LMAN2L: variants seen among roughly 807,000 people sequenced by gnomAD.
The protein encoded by LMAN2L is VIP36-like protein.
A neutral mutation model predicts 44.3 loss-of-function variants in LMAN2L; 30 were observed. That is an observed-to-expected ratio of 0.68 (90% CI 0.51 to 0.92). The LOEUF (loss-of-function observed/expected upper bound fraction) is 0.92. LMAN2L is among the 40% of genes least tolerant of loss of function. The pLI, the probability that LMAN2L is intolerant of heterozygous loss-of-function variation, is 0.00. For missense variants in LMAN2L, 429 were observed against 446.1 expected, an observed-to-expected ratio of 0.96 and a Z score of 0.35; for synonymous variants, 183 against 171.1, an observed-to-expected ratio of 1.07 and a Z score of -0.54.
chr2:96,716,901 C>T (rs535516297), intron 4 of LMAN2L, among the ~76,000 whole-genome samples: 9 of 152,196 alleles, frequency 5.9e-5, no homozygotes, highest in South Asian at 2.1e-4. Flanking sequence ...ACAAAGAGAA[C>T]GCTGAGAATA....
intron 4 of LMAN2L, among the ~76,000 whole-genome samples, chr2:96,714,478 A>C (rs1229627853): frequency 6.6e-6 from 1 of 152,272 alleles, no homozygotes; most frequent in Non-Finnish European, 1.5e-5. Context: ...TGGATGATTA[A>C]ACTGGCATGA....
At chr2:96,734,579 T>A in intron 2 of LMAN2L, 53 bp from the exon 3 acceptor site, 1 of 1,126,506 alleles carries the variant, frequency 8.9e-7, no homozygotes, top group Non-Finnish European at 1.4e-6. Flanking sequence ...GCAAAACCCC[T>A]CAAGCCCACA....
rs79668584 is a variant in LMAN2L, at chr2:96,731,030, G to A, written c.507+2489C>T. Among the ~76,000 whole-genome samples the A allele has an allele frequency of 4.6e-5, 7 of 152,136 alleles. No individual in the cohort carries two copies. In the East Asian group the frequency reaches 5.8e-4, roughly 13 times the overall value. Reference sequence around the variant, plus strand: ...GCTTTTTTCCCTCTGCATGGGACACGGGTTCCTTACTCTGCAGACCTCAAC... The same window carrying A: ...GCTTTTTTCCCTCTGCATGGGACACAGGTTCCTTACTCTGCAGACCTCAAC... On this transcript the variant is annotated intron_variant, in intron 4 of 7. Coordinates refer to ENST00000264963, the MANE Select transcript of LMAN2L (RefSeq NM_030805.4).
chr2:96,728,219 G>A, intron 4 of LMAN2L, among the ~76,000 whole-genome samples: 1 of 152,188 alleles, frequency 6.6e-6, no homozygotes, highest in African/African-American at 2.4e-5. Context: ...CAGGCGCGGT[G>A]GCTCACGCCT....
intron 4 of LMAN2L, among the ~76,000 whole-genome samples, chr2:96,727,985 C>T (rs191338618): frequency 1.3e-5 from 2 of 152,294 alleles, no homozygotes; most frequent in South Asian, 4.1e-4. Flanking sequence ...AGAGATAATA[C>T]TATCATCTAC....
Position 96,706,536 on chromosome 2 carries a change from T to C in LMAN2L, c.*720A>G, listed in dbSNP as rs1167362978. On this transcript the variant is annotated 3_prime_UTR_variant, in exon 8 of 8. Coordinates refer to ENST00000264963, the MANE Select transcript of LMAN2L (RefSeq NM_030805.4). ...TCACTGAGGGCCTGAAGAGACTTGA[T>C]TGGGAAGGCCATGGACATGCCAATA... 1.3e-5 allele frequency: 2 copies of C among 152,236 alleles called. No individual in the cohort carries two copies. The highest frequency in any genetic ancestry group is 6.5e-5 in the Admixed American group (1 of 15,286). 9.4% of individuals were successfully genotyped at this position (152,236 alleles called of 1,614,324 possible). A position where few individuals can be genotyped will look rare whatever the true frequency, so the allele number is the denominator to read the frequency against.
Position 96,733,517 on chromosome 2 carries a change from A to C in LMAN2L, c.507+2T>G. 1 of 1,611,398 alleles carries C rather than the reference A, an allele frequency of 6.2e-7. No individual in the cohort carries two copies. Among genetic ancestry groups the C allele is most frequent in the Non-Finnish European group, 8.5e-7 (1 of 1,177,644 alleles). On this transcript the variant is annotated splice_donor_variant, in intron 4 of 7. Coordinates refer to ENST00000264963, the MANE Select transcript of LMAN2L (RefSeq NM_030805.4). LOFTEE classifies it high-confidence loss of function. ...GACCTAGGCTCTGACACTTGCCATT[A>C]CCTCTTGCTGCTTCTCCTCATTGGG...
At chr2:96,732,010 A>C (rs2078408366) in intron 4 of LMAN2L, among the ~76,000 whole-genome samples, 1 of 151,896 alleles carries the variant, frequency 6.6e-6, no homozygotes, top group South Asian at 2.1e-4. Flanking sequence ...AATACTAATA[A>C]AAATACTAAT....
chr2:96,727,808 T>C (rs1282143078), intron 4 of LMAN2L, among the ~76,000 whole-genome samples: 1 of 152,228 alleles, frequency 6.6e-6, no homozygotes, highest in Non-Finnish European at 1.5e-5. Context: ...CCACGGTCAT[T>C]TGTAAGTTCT....
chr2:96,711,848 G>A lies in LMAN2L; in HGVS notation c.669+16C>T. ...ACAGCCCACACCACCATCTGGTCCA[G>A]GACAAGGACTCTCACCGTCAAATGC... On this transcript the variant is annotated intron_variant, in intron 5 of 7. Transcript: ENST00000264963. The A allele has an allele frequency of 6.2e-7, 1 of 1,614,132 alleles. No individual in the cohort carries two copies.
intron 2 of LMAN2L, 67 bp from the exon 3 acceptor site, chr2:96,734,593 G>C: frequency 1.0e-6 from 1 of 955,780 alleles, no homozygotes; most frequent in South Asian, 1.3e-5. Context: ...GCCCACATCA[G>C]CAATCAACAG....
chr2:96,737,106 C>T (rs755442540), intron 2 of LMAN2L: 2 of 453,530 alleles, frequency 4.4e-6, no homozygotes, highest in African/African-American at 2.0e-5. Flanking sequence ...TTTAGAAAGC[C>T]CTGGAAACAG....
chr2:96,711,797 G>A, intron 5 of LMAN2L, 27 bp from the exon 6 acceptor site: 1 of 1,612,952 alleles, frequency 6.2e-7, no homozygotes. Context: ...GATAAATCAG[G>A]GTCAGGCCAT....
chr2:96,740,062 A>T lies in LMAN2L; in HGVS notation c.-22T>A, dbSNP rs200000065. The stretch of plus-strand genomic sequence containing the variant: ...CCATCTTTCCCACCAACGACCCTTC[A>T]TCAAAAGCCCGCCCCGTCGCCCAAC... On this transcript the variant is annotated 5_prime_UTR_variant, in exon 1 of 8. The change abolishes an upstream ATG in the 5' untranslated region. Transcript: ENST00000264963. 6.3e-7 allele frequency: 1 copy of T among 1,588,954 alleles called. No individual in the cohort carries two copies. The highest frequency in any genetic ancestry group is 8.6e-7 in the Non-Finnish European group (1 of 1,168,228).
chr2:96,709,794 A>G (rs1205363487), intron 6 of LMAN2L, among the ~76,000 whole-genome samples: 1 of 152,196 alleles, frequency 6.6e-6, no homozygotes, highest in Non-Finnish European at 1.5e-5. Context: ...GAAAGAAACA[A>G]CTTGCATTTA....
chr2:96,723,937 A>ATC (rs2078213737), intron 4 of LMAN2L, among the ~76,000 whole-genome samples: 1 of 151,776 alleles, frequency 6.6e-6, no homozygotes, highest in Non-Finnish European at 1.5e-5. Context: ...AAACATATAT[A>ATC]TTAAAAAAAA....
intron 2 of LMAN2L, 111 bp from the exon 3 acceptor site, chr2:96,734,637 T>C: frequency 1.4e-6 from 1 of 715,658 alleles, no homozygotes; most frequent in South Asian, 1.6e-5. Flanking sequence ...AACACTAGAC[T>C]AAGGGTTAAA....
intron 4 of LMAN2L, among the ~76,000 whole-genome samples, chr2:96,733,238 A>C (rs1383674918): frequency 6.6e-6 from 1 of 152,164 alleles, no homozygotes; most frequent in East Asian, 1.9e-4. Context: ...ATCACCAATC[A>C]ACCAAACATG....
intron 1 of LMAN2L, among the ~76,000 whole-genome samples, chr2:96,739,205 T>C (rs923261030): frequency 1.3e-5 from 2 of 152,228 alleles, no homozygotes; most frequent in African/African-American, 4.8e-5. Flanking sequence ...TGATTACCCT[T>C]AGTAGTAGAG....
Sources: gnomAD v4.1 joint callset for allele counts (sites outside exome capture counted in the v4.1 genomes callset) on GRCh38, gnomAD v4.1.1 for gene constraint, MANE v1.5 for transcripts, NCBI Gene and HGNC (gene_info 2026-07-23, HGNC 2026-07-21) for gene names.